The following SLC8A3 variants were observed in gnomAD, a reference collection of about 807,000 sequenced individuals.
The protein encoded by SLC8A3 is sodium/calcium exchanger 3.
In SLC8A3, 37 loss-of-function variants were observed where a neutral mutation model predicts 65.4. The observed-to-expected ratio is 0.57, with a 90% CI of 0.44 to 0.74. The LOEUF (loss-of-function observed/expected upper bound fraction) is 0.74. Among genes scored for constraint, SLC8A3 ranks in the 30% least tolerant of loss-of-function variants. The pLI is 0.00. For missense variants in SLC8A3, 1,112 were observed against 1,172.1 expected (o/e 0.95, Z 0.75); for synonymous variants, 461 against 444.5 (o/e 1.04, Z -0.47).
intron 2 of SLC8A3, among the ~76,000 whole-genome samples, chr14:70,107,570 T>C (rs775919660): frequency 6.6e-6 from 1 of 152,090 alleles, no homozygotes; most frequent in Non-Finnish European, 1.5e-5. Flanking sequence ...CTACAGTAGA[T>C]TAATTCATGC....
rs180690498 is a variant in SLC8A3 at position 70,154,131 on chromosome 14, C to A, written c.1784+12508G>T. 3.9e-5 allele frequency among the ~76,000 whole-genome samples: 6 copies of A among 152,342 alleles called. No homozygotes were observed. In the East Asian group the frequency reaches 1.2e-3, roughly 29 times the overall value. On this transcript the variant is annotated intron_variant, in intron 2 of 6. Transcript: ENST00000356921. ...CCTATGTTAAAAGGAAAGAAGCCAA[C>A]TCCTTAAAGAAGAAACGTAGAATGC...
intron 2 of SLC8A3, among the ~76,000 whole-genome samples, chr14:70,075,655 A>T (rs1408533264): frequency 6.6e-6 from 1 of 151,816 alleles, no homozygotes; most frequent in Admixed American, 6.6e-5. Context: ...TGCAATAACC[A>T]CCTAATTTAT....
intron 2 of SLC8A3, among the ~76,000 whole-genome samples, chr14:70,137,563 A>G (rs1025736600): frequency 2.0e-5 from 3 of 152,198 alleles, no homozygotes; most frequent in Admixed American, 1.3e-4. Context: ...GCAATTTGTG[A>G]AAATTCAGCA....
rs138310610 is a variant in SLC8A3, at chr14:70,159,622, T to C, written c.1784+7017A>G. ...ACAGCCAGAAAGAGTCCTCCTCATT[T>C]ACCTGCCTTGCTTTGCTCACCTTGC... On this transcript the variant is annotated intron_variant, in intron 2 of 6. Transcript: ENST00000356921. 2.7e-4 allele frequency among the ~76,000 whole-genome samples: 41 copies of C among 152,324 alleles called. No homozygotes were observed. In the East Asian group the frequency reaches 7.5e-3, roughly 28 times the overall value.
At chr14:70,185,606 G>C (rs1288697276) in intron 1 of SLC8A3, among the ~76,000 whole-genome samples, 1 of 152,206 alleles carries the variant, frequency 6.6e-6, no homozygotes, top group Non-Finnish European at 1.5e-5. Context: ...GTGTAAAGGA[G>C]AGCTCAGAAG....
At chr14:70,176,235 G>A (rs1897902133) in intron 1 of SLC8A3, among the ~76,000 whole-genome samples, 1 of 152,156 alleles carries the variant, frequency 6.6e-6, no homozygotes, top group Non-Finnish European at 1.5e-5. Flanking sequence ...GAAGAGACAG[G>A]GCTTAGCTCA....
intron 1 of SLC8A3, among the ~76,000 whole-genome samples, chr14:70,181,103 C>T (rs1882713242): frequency 6.6e-6 from 1 of 152,200 alleles, no homozygotes; most frequent in Admixed American, 6.5e-5. Context: ...AAAGTCAACA[C>T]ATCCAACACA....
rs146346423 is a variant in SLC8A3, at chr14:70,136,348, GC to G, written c.1784+30290del. 6.5e-4 allele frequency among the ~76,000 whole-genome samples: 99 copies of G among 152,254 alleles called. No individual in the cohort carries two copies. The East Asian group carries it at 0.013, about 20-fold the overall frequency. On this transcript the variant is annotated intron_variant, in intron 2 of 6. Transcript: ENST00000356921. ...AGGCAATACATTTTTGTTGTTTTAC[GC>G]CACCCAGTATGTGGAGCTTTGTTAC...
chr14:70,058,195 C>T (rs1888379852), intron 3 of SLC8A3, among the ~76,000 whole-genome samples: 1 of 152,154 alleles, frequency 6.6e-6, no homozygotes, highest in Admixed American at 6.5e-5. Flanking sequence ...AAAGACTATG[C>T]CATTCTGAAT....
At position 70,076,839 on chromosome 14, in the gene SLC8A3, A is replaced by G. The variant is rs143307025; in HGVS notation, c.1785-15900T>C. Among the ~76,000 whole-genome samples the G allele has an allele frequency of 6.9e-3, 1,048 of 152,320 alleles. 4 individuals are homozygous for G. The highest frequency in any genetic ancestry group is 0.011 in the Non-Finnish European group (780 of 68,032). ...CTTTCCGATGACAGATGCCATGAAA[A>G]TCATTATTCATTTGATCATTTACTG... On this transcript the variant is annotated intron_variant, in intron 2 of 6. Coordinates refer to ENST00000356921, the MANE Select transcript of SLC8A3 (RefSeq NM_182932.3).
chr14:70,086,408 T>C (rs56687268), intron 2 of SLC8A3, among the ~76,000 whole-genome samples: 2,663 of 128,508 alleles, frequency 0.021, 72 homozygotes, highest in African/African-American at 0.076. Context: ...TTTCTTTTTT[T>C]TTTTTTTTTT....
chr14:70,174,991 T>A (rs746750532), intron 1 of SLC8A3, among the ~76,000 whole-genome samples: 6 of 152,176 alleles, frequency 3.9e-5, no homozygotes, highest in Non-Finnish European at 7.3e-5. Context: ...GCTTCTCTGA[T>A]CTCATGCAAT....
In SLC8A3 at chr14:70,080,244, A is replaced by T; in HGVS notation, c.1785-19305T>A. 4.1e-6 allele frequency: 4 copies of T among 985,178 alleles called. No individual in the cohort carries two copies. In the South Asian group the frequency reaches 1.9e-4, roughly 46 times the overall value. The allele number at this position is 985,178 out of a possible 1,614,324, so 61.0% of individuals were successfully genotyped here. A position where few individuals can be genotyped will look rare whatever the true frequency, so the allele number is the denominator to read the frequency against. On this transcript the variant is annotated intron_variant, in intron 2 of 6. Transcript: ENST00000356921. ...GATGCCTTAGCGCTTTCATTTTTTT[A>T]TACCACTGTGTTGCTATGGTGATGG...
chr14:70,067,109 A>G (rs1009221831), intron 2 of SLC8A3, among the ~76,000 whole-genome samples: 3 of 152,120 alleles, frequency 2.0e-5, no homozygotes, highest in African/African-American at 4.8e-5. Flanking sequence ...TCCTAGACAC[A>G]CTGGTCTTCC....
At chr14:70,053,324 G>C (rs994143267) in intron 3 of SLC8A3, among the ~76,000 whole-genome samples, 3 of 152,182 alleles carry the variant, frequency 2.0e-5, no homozygotes, top group African/African-American at 7.2e-5. Context: ...TTGAATTTGA[G>C]TCTCTGATTA....
intron 1 of SLC8A3, among the ~76,000 whole-genome samples, chr14:70,173,259 T>C (rs1381615636): frequency 6.6e-6 from 1 of 152,170 alleles, no homozygotes; most frequent in African/African-American, 2.4e-5. Context: ...AGAACTCTAC[T>C]GCAAACTGAA....
Position 70,188,646 on chromosome 14 carries a change from GC to G in SLC8A3, c.-331del. 1 of 152,362 alleles carries G rather than the reference GC, an allele frequency of 6.6e-6. No homozygotes were observed. The highest frequency in any genetic ancestry group is 1.5e-5 in the Non-Finnish European group (1 of 68,078). 9.4% of individuals were successfully genotyped at this position (152,362 alleles called of 1,614,324 possible). A position where few individuals can be genotyped will look rare whatever the true frequency, so the allele number is the denominator to read the frequency against. ...AGGGTGTCTGGGGCCAGGGCGAGGG[GC>G]CCCGGGAGGGGTCCTTCCGCACGGA... On this transcript the variant is annotated 5_prime_UTR_variant, in exon 1 of 7. Coordinates refer to ENST00000356921, the MANE Select transcript of SLC8A3 (RefSeq NM_182932.3).
intron 2 of SLC8A3, among the ~76,000 whole-genome samples, chr14:70,155,019 A>G (rs1896491273): frequency 6.7e-6 from 1 of 149,936 alleles, no homozygotes; most frequent in South Asian, 2.1e-4. Flanking sequence ...TCCCAGGTTC[A>G]AGCGATTCTC....
At chr14:70,055,841 G>A in intron 3 of SLC8A3, 1 of 1,605,372 alleles carries the variant, frequency 6.2e-7, no homozygotes, top group African/African-American at 1.3e-5. Flanking sequence ...CCAGAAAAAT[G>A]GAAGAAAGAA....
Sources: allele counts gnomAD v4.1 joint callset (sites outside exome capture counted in the v4.1 genomes callset), GRCh38; gene constraint gnomAD v4.1.1; transcripts MANE v1.5; gene names NCBI Gene and HGNC (gene_info 2026-07-23, HGNC 2026-07-21).